Variants in MESD observed in about 807,000 individuals in gnomAD.
The protein encoded by MESD is mesoderm development LRP chaperone.
Under a neutral mutation model 12.9 loss-of-function variants are expected in MESD, and 7 were observed. The observed-to-expected ratio is 0.54, with a 90% confidence interval of 0.31 to 1.02. The LOEUF is 1.02. MESD is among the 50% of genes least tolerant of loss of function. MESD has a pLI of 0.05. For missense variants in MESD, 342 were observed against 296.7 expected (o/e 1.15, Z -1.12); for synonymous variants, 126 against 115.6 (o/e 1.09, Z -0.58).
At position 80,982,058 on chromosome 15, in the gene MESD, G is replaced by A. The variant is rs750281158; in HGVS notation, c.338C>T (p.Thr113Ile). 1.9e-6 allele frequency: 3 copies of A among 1,613,992 alleles called. No homozygotes were observed. The highest frequency in any genetic ancestry group is 4.5e-5 in the East Asian group (2 of 44,892). ...TGATACAGTGACAAACATCATGAGA[G>A]TCTTCCCTTTTTTCGTCATTTTCAA... is the stretch of plus-strand genomic sequence containing the variant. ...SILKMTKKGK[T>I]LMMFVTVSGS... Residue 113 changes from threonine (T) to isoleucine (I), a missense_variant, in exon 2 of 3, where the codon ACT (threonine) becomes ATT (isoleucine). By Grantham distance (89) the Thr-to-Ile change is moderately conservative (BLOSUM62 -1). Transcript: ENST00000261758.
intron 3 of MESD, among the ~76,000 whole-genome samples, chr15:80,970,048 C>T (rs1389551638): frequency 2.0e-5 from 3 of 152,124 alleles, no homozygotes; most frequent in Non-Finnish European, 4.4e-5. Flanking sequence ...AAGATAATCC[C>T]TTGGATTTCC....
downstream of MESD, among the ~76,000 whole-genome samples, chr15:80,975,221 C>CAA (rs1027637620): frequency 3.0e-5 from 3 of 98,924 alleles, no homozygotes; most frequent in Non-Finnish European, 6.8e-5. Context: ...AAAAAAAAAA[C>CAA]AAAAAAAAAA....
At chr15:80,956,556 C>G (rs1445681864) in intron 3 of MESD, among the ~76,000 whole-genome samples, 2 of 151,938 alleles carry the variant, frequency 1.3e-5, no homozygotes, top group Non-Finnish European at 2.9e-5. Flanking sequence ...GAAACAAAAT[C>G]AAGAATTTAC....
intron 1 of MESD, 47 bp downstream of exon 1, chr15:80,989,532 G>C (rs375017478): frequency 1.9e-6 from 3 of 1,581,906 alleles, no homozygotes; most frequent in African/African-American, 1.3e-5. Context: ...ATAGGGAACA[G>C]GGTCCCGCAC....
chr15:80,983,523 T>C (rs1902642673), intron 1 of MESD, among the ~76,000 whole-genome samples: 1 of 152,208 alleles, frequency 6.6e-6, no homozygotes, highest in Admixed American at 6.5e-5. Flanking sequence ...GAATGAGCCC[T>C]GTGGTATTAG....
chr15:80,975,490 G>A (rs950746593), downstream of MESD, among the ~76,000 whole-genome samples: 5 of 152,168 alleles, frequency 3.3e-5, no homozygotes, highest in Admixed American at 2.6e-4. Context: ...GGACACTGTG[G>A]GTGCAGAAGG....
At chr15:80,986,935 T>A (rs1055955846) in intron 1 of MESD, among the ~76,000 whole-genome samples, 1 of 152,188 alleles carries the variant, frequency 6.6e-6, no homozygotes, top group African/African-American at 2.4e-5. Context: ...TTCAGAACAA[T>A]CCTACCCGGT....
intron 3 of MESD, chr15:80,970,450 G>C (rs1406964773): frequency 6.6e-6 from 1 of 151,538 alleles, no homozygotes; most frequent in African/African-American, 2.4e-5. Flanking sequence ...CCTTCCCTCT[G>C]GGCTCACTCA....
At chr15:80,955,887 G>T (rs187153038) in intron 3 of MESD, among the ~76,000 whole-genome samples, 1 of 152,208 alleles carries the variant, frequency 6.6e-6, no homozygotes, top group Admixed American at 6.5e-5. Flanking sequence ...CTCCCAAAGT[G>T]CTAGGATTAC....
At chr15:80,956,443 G>T (rs934356542) in intron 3 of MESD, among the ~76,000 whole-genome samples, 2 of 152,164 alleles carry the variant, frequency 1.3e-5, no homozygotes, top group African/African-American at 2.4e-5. Flanking sequence ...TGTTATTCAT[G>T]GTGAGAGCAA....
downstream of MESD, chr15:80,970,799 T>C (rs74028138): frequency 0.2 from 30,334 of 152,170 alleles, 3,095 homozygotes; most frequent in Middle Eastern, 0.37. Context: ...AACAGGTTTT[T>C]ACCCCAGCCA....
Position 80,978,850 on chromosome 15 carries a change from T to C in MESD, c.*369A>G. The stretch of plus-strand genomic sequence containing the variant: ...TTTTAAAGTCTTCTCTGATCAGAAT[T>C]TGCTATCTGATCAGAGCAGGCCACC... On this transcript the variant is annotated 3_prime_UTR_variant, in exon 3 of 3. Transcript: ENST00000261758. The C allele has an allele frequency of 4.6e-6, 1 of 215,918 alleles. No homozygotes were observed. Among genetic ancestry groups the C allele is most frequent in the East Asian group, 1.1e-4 (1 of 9,168 alleles). The allele number at this position is 215,918 out of a possible 1,614,324, so 13.4% of individuals were successfully genotyped here. A position where few individuals can be genotyped will look rare whatever the true frequency, so the allele number is the denominator to read the frequency against.
chr15:80,982,439 A>T (rs766231731), intron 1 of MESD, among the ~76,000 whole-genome samples: 1 of 152,208 alleles, frequency 6.6e-6, no homozygotes, highest in Non-Finnish European at 1.5e-5. Context: ...AAACTCTCAT[A>T]CAATCTACCC....
chr15:80,979,587 G>A, intron 2 of MESD, 110 bp from the exon 3 acceptor site: 5 of 1,323,018 alleles, frequency 3.8e-6, no homozygotes, highest in Middle Eastern at 2.7e-4. Context: ...CATGAATATG[G>A]AATGAAAAAT....
At chr15:80,986,363 T>C (rs992501077) in intron 1 of MESD, among the ~76,000 whole-genome samples, 5 of 152,150 alleles carry the variant, frequency 3.3e-5, no homozygotes, top group East Asian at 3.9e-4. Flanking sequence ...AGGATGACTA[T>C]AGTTAACAAT....
chr15:80,970,066 T>C (rs1446357945), intron 3 of MESD, among the ~76,000 whole-genome samples: 2 of 152,126 alleles, frequency 1.3e-5, no homozygotes, highest in Non-Finnish European at 2.9e-5. Flanking sequence ...TCCAAGAGAA[T>C]TCAGAGAGAG....
downstream of MESD, among the ~76,000 whole-genome samples, chr15:80,971,457 C>T (rs1249150903): frequency 6.6e-6 from 1 of 152,182 alleles, no homozygotes; most frequent in Non-Finnish European, 1.5e-5. Context: ...AATCCTAAGT[C>T]AGTTAATAAG....
At chr15:80,959,220 T>C (rs970972078) in intron 3 of MESD, among the ~76,000 whole-genome samples, 24 of 152,182 alleles carry the variant, frequency 1.6e-4, no homozygotes. Context: ...ATGCCTGCCA[T>C]GTGAGAGGGT....
intron 4 of MESD, chr15:80,948,961 A>C: frequency 1.2e-6 from 2 of 1,613,568 alleles, no homozygotes; most frequent in Middle Eastern, 1.7e-4. Context: ...GTGGTAGACT[A>C]TGACGGTGAC....
Sources: gnomAD v4.1 joint callset for allele counts (sites outside exome capture counted in the v4.1 genomes callset) on GRCh38, gnomAD v4.1.1 for gene constraint, MANE v1.5 for transcripts, NCBI Gene and HGNC (gene_info 2026-07-23, HGNC 2026-07-21) for gene names.